Variants in FRMD5 observed in about 807,000 individuals in gnomAD.
FRMD5 encodes FERM domain-containing protein 5.
FRMD5 carries 20 observed loss-of-function variants against 69.0 expected under a neutral mutation model. The ratio of observed to expected loss-of-function variants is 0.29; its 90% CI spans 0.20 to 0.42. The LOEUF (loss-of-function observed/expected upper bound fraction) is 0.42, where lower values mean the gene tolerates loss of function less well. Ranked by LOEUF, FRMD5 falls within the 10% of genes least tolerant of loss-of-function variation. FRMD5 has a pLI of 1.00. For missense variants in FRMD5, 595 were observed against 708.6 expected (o/e 0.84, Z 1.82); for synonymous variants, 271 against 260.1 (o/e 1.04, Z -0.40).
chr15:44,123,632 C>A (rs2076986432), intron 1 of FRMD5, among the ~76,000 whole-genome samples: 1 of 151,880 alleles, frequency 6.6e-6, no homozygotes, highest in African/African-American at 2.4e-5. Context: ...AGCAACACAA[C>A]ACATTGAGAA....
chr15:44,171,708 T>C (rs896838920), intron 1 of FRMD5, among the ~76,000 whole-genome samples: 22 of 152,192 alleles, frequency 1.4e-4, no homozygotes, highest in African/African-American at 5.3e-4. Flanking sequence ...CCATGAATGA[T>C]TGCTATGAAC....
intron 1 of FRMD5, among the ~76,000 whole-genome samples, chr15:44,104,904 C>T (rs1566948122): frequency 1.3e-5 from 2 of 152,012 alleles, no homozygotes; most frequent in African/African-American, 4.8e-5. Context: ...ATGTAGAAAA[C>T]ATATATTTCT....
rs1435882935 is a variant in FRMD5, at chr15:43,871,186, T to TC, written c.*2698dup. 2.0e-5 allele frequency: 3 copies of TC among 152,208 alleles called. No homozygotes were observed. Among genetic ancestry groups the TC allele is most frequent in the African/African-American group, 7.2e-5 (3 of 41,462 alleles). The allele number at this position is 152,208 out of a possible 1,614,324, so 9.4% of individuals were successfully genotyped here. A position where few individuals can be genotyped will look rare whatever the true frequency, so the allele number is the denominator to read the frequency against. On this transcript the variant is annotated 3_prime_UTR_variant, in exon 14 of 14. Transcript: ENST00000417257. ...TCACCAATCAAAGGAGGTTTATTAT[T>TC]CAAGCACTATTTGAAAAGCAAACTG...
chr15:43,977,898 G>C (rs956025790), intron 1 of FRMD5, among the ~76,000 whole-genome samples: 21 of 152,074 alleles, frequency 1.4e-4, no homozygotes, highest in African/African-American at 4.3e-4. Context: ...ACCTTTAACA[G>C]ACAGTAACAA....
chr15:43,878,969 A>C, intron 13 of FRMD5, among the ~76,000 whole-genome samples: 1 of 120,686 alleles, frequency 8.3e-6, no homozygotes, highest in African/African-American at 3.3e-5. Context: ...ATCTCACTCC[A>C]TCTCATTGCC....
At chr15:43,988,986 G>T (rs533485214) in intron 1 of FRMD5, 1 of 697,656 alleles carries the variant, frequency 1.4e-6, no homozygotes, top group East Asian at 3.6e-5. Context: ...ACAAAGTCAT[G>T]CCAATCTCAT....
chr15:44,191,922 T>TATATGTATCTATATA lies in FRMD5; in HGVS notation c.102+3030_102+3031insTATATAGATACATAT, dbSNP rs1279440991. The stretch of plus-strand genomic sequence containing the variant: ...ATATATATATATATATATATATATA[T>TATATGTATCTATATA]TATATATATATATATATATGTATCT... On this transcript the variant is annotated intron_variant, in intron 1 of 13. Transcript: ENST00000417257. Among the ~76,000 whole-genome samples the TATATGTATCTATATA allele has an allele frequency of 4.5e-4, 4 of 8,926 alleles. No individual in the cohort carries two copies. The South Asian group carries it at 0.013, about 28-fold the overall frequency. 5.9% of individuals were successfully genotyped at this position (8,926 alleles called of 152,430 possible).
chr15:44,036,991 GTTT>G (rs1030127518), intron 1 of FRMD5, among the ~76,000 whole-genome samples: 1 of 148,408 alleles, frequency 6.7e-6, no homozygotes, highest in African/African-American at 2.5e-5. Context: ...TACAACTACA[GTTT>G]TTTTTTTAAT....
chr15:43,883,664 G>T, intron 13 of FRMD5, 39 bp downstream of exon 13: 1 of 1,431,484 alleles, frequency 7.0e-7, no homozygotes, highest in Non-Finnish European at 9.6e-7. Flanking sequence ...ATCACAACTT[G>T]GAGGACCCCA....
At chr15:44,168,663 T>C (rs1373853679) in intron 1 of FRMD5, among the ~76,000 whole-genome samples, 1 of 152,232 alleles carries the variant, frequency 6.6e-6, no homozygotes, top group Non-Finnish European at 1.5e-5. Flanking sequence ...TCAACTTAAA[T>C]GTATGTTAGC....
At chr15:44,169,963 A>G (rs78412005) in intron 1 of FRMD5, among the ~76,000 whole-genome samples, 2,212 of 152,178 alleles carry the variant, frequency 0.015, 22 homozygotes, top group South Asian at 0.023. Flanking sequence ...ACTACTACAT[A>G]CTCTTTTGTT....
At chr15:44,015,773 C>T (rs1046823326) in intron 1 of FRMD5, among the ~76,000 whole-genome samples, 8 of 152,162 alleles carry the variant, frequency 5.3e-5, no homozygotes, top group Non-Finnish European at 8.8e-5. Context: ...AGAAAGGTTA[C>T]GTCATACTGA....
intron 1 of FRMD5, among the ~76,000 whole-genome samples, chr15:44,084,862 A>G (rs900092053): frequency 6.6e-6 from 1 of 152,156 alleles, no homozygotes; most frequent in Non-Finnish European, 1.5e-5. Context: ...TGAGCTATGA[A>G]ACTCAGAGGC....
intron 1 of FRMD5, among the ~76,000 whole-genome samples, chr15:43,941,116 C>G (rs989884188): frequency 1.3e-5 from 2 of 152,210 alleles, no homozygotes; most frequent in African/African-American, 2.4e-5. Flanking sequence ...CACCTGTAAT[C>G]TCAGCACTTT....
At chr15:43,905,416 C>T (rs927559565) in intron 6 of FRMD5, among the ~76,000 whole-genome samples, 2 of 152,100 alleles carry the variant, frequency 1.3e-5, no homozygotes, top group African/African-American at 2.4e-5. Flanking sequence ...GGATTACAGC[C>T]GTAAGCCACC....
chr15:43,999,746 G>A (rs1177278850), intron 1 of FRMD5, among the ~76,000 whole-genome samples: 1 of 151,616 alleles, frequency 6.6e-6, no homozygotes, highest in Admixed American at 6.6e-5. Flanking sequence ...TGTCACAAAT[G>A]GCAAGACTTC....
intron 1 of FRMD5, among the ~76,000 whole-genome samples, chr15:44,106,470 C>T (rs1159420875): frequency 6.6e-6 from 1 of 152,102 alleles, no homozygotes; most frequent in Non-Finnish European, 1.5e-5. Flanking sequence ...TCTTTGCTTC[C>T]CTGTCTTTGC....
Position 43,884,798 on chromosome 15 carries a change from G to T in FRMD5, c.960-3C>A, listed in dbSNP as rs1567209440. 1 of 1,613,576 alleles carries T rather than the reference G, an allele frequency of 6.2e-7. No homozygotes were observed. The highest frequency in any genetic ancestry group is 1.7e-5 in the Admixed American group (1 of 60,006). On this transcript the variant is annotated splice_polypyrimidine_tract_variant and splice_region_variant and intron_variant, in intron 11 of 13. Coordinates refer to ENST00000417257, the MANE Select transcript of FRMD5 (RefSeq NM_032892.5). Reference sequence around the variant, plus strand: ...TGACTTCCTTTGCAACTCGGCCACTGTAAGTAGTGTAATAAAAACAAGCAG... The same window carrying T: ...TGACTTCCTTTGCAACTCGGCCACTTTAAGTAGTGTAATAAAAACAAGCAG...
intron 5 of FRMD5, among the ~76,000 whole-genome samples, chr15:43,908,000 C>T (rs1183802223): frequency 2.0e-5 from 3 of 152,052 alleles, no homozygotes; most frequent in Non-Finnish European, 4.4e-5. Flanking sequence ...CAATGTTGGA[C>T]GTCAAGTACT....
Sources: gnomAD v4.1 joint callset for allele counts (sites outside exome capture counted in the v4.1 genomes callset) on GRCh38, gnomAD v4.1.1 for gene constraint, MANE v1.5 for transcripts, NCBI Gene and HGNC (gene_info 2026-07-23, HGNC 2026-07-21) for gene names.